Variants in RBFOX1 observed in about 807,000 individuals in gnomAD.
RBFOX1 encodes RNA binding fox-1 homolog 1.
In RBFOX1, 8 loss-of-function variants were observed where a neutral mutation model predicts 57.7. That is an observed-to-expected ratio of 0.14 (90% confidence interval 0.08 to 0.25). The LOEUF is 0.25. Among genes scored for constraint, RBFOX1 ranks in the 10% least tolerant of loss-of-function variants. The probability of loss-of-function intolerance (pLI) is 1.00; values close to 1 mark genes in which losing one functional copy is unlikely to be tolerated. For missense variants in RBFOX1, 611 were observed against 548.5 expected (o/e 1.11, Z -1.14); for synonymous variants, 326 against 222.4 (o/e 1.47, Z -4.15).
At chr16:7,204,679 C>A (rs553867929) in intron 4 of RBFOX1, among the ~76,000 whole-genome samples, 76 of 152,248 alleles carry the variant, frequency 5.0e-4, no homozygotes, top group African/African-American at 1.7e-3. Flanking sequence ...CCTCACTGTT[C>A]TAAGACATCA....
chr16:6,524,165 T>G (rs1207394650), intron 2 of RBFOX1, among the ~76,000 whole-genome samples: 9 of 152,214 alleles, frequency 5.9e-5, no homozygotes, highest in Non-Finnish European at 1.3e-4. Context: ...CAGCCTCTGG[T>G]AACCATCCCT....
upstream of RBFOX1, among the ~76,000 whole-genome samples, chr16:6,016,774 C>G (rs913756437): frequency 6.6e-6 from 1 of 152,186 alleles, no homozygotes; most frequent in Non-Finnish European, 1.5e-5. Context: ...TTCAGCACCT[C>G]TCATTTATCT....
intron 1 of RBFOX1, among the ~76,000 whole-genome samples, chr16:5,415,445 T>C (rs1460633609): frequency 1.3e-5 from 2 of 152,152 alleles, no homozygotes; most frequent in African/African-American, 4.8e-5. Context: ...GAGATTTGGG[T>C]GGAGACACAG....
intron 2 of RBFOX1, among the ~76,000 whole-genome samples, chr16:5,517,001 T>G (rs1156387911): frequency 1.3e-5 from 2 of 152,000 alleles, no homozygotes; most frequent in Admixed American, 6.6e-5. Context: ...TCTTCCTGTT[T>G]TTTTTTTTTT....
intron 1 of RBFOX1, among the ~76,000 whole-genome samples, chr16:6,121,185 A>G (rs1597489505): frequency 6.6e-6 from 1 of 152,272 alleles, no homozygotes; most frequent in Non-Finnish European, 1.5e-5. Context: ...CATGCACTGC[A>G]GGTTTATGGG....
At chr16:6,560,827 T>C (rs1237016577) in intron 2 of RBFOX1, among the ~76,000 whole-genome samples, 1 of 152,202 alleles carries the variant, frequency 6.6e-6, no homozygotes, top group South Asian at 2.1e-4. Context: ...TTGCTCTTCA[T>C]GGAATCTCCA....
intron 3 of RBFOX1, among the ~76,000 whole-genome samples, chr16:6,895,448 G>GTATATATATA (rs71147622): frequency 3.5e-4 from 19 of 54,600 alleles, no homozygotes; most frequent in African/African-American, 8.7e-4. Context: ...GTGTGTGTGT[G>GTATATATATA]TATATATATA....
chr16:7,068,048 C>G (rs9931219), intron 4 of RBFOX1, among the ~76,000 whole-genome samples: 106,715 of 150,070 alleles, frequency 0.71, 38,656 homozygotes, highest in East Asian at 0.91. Flanking sequence ...CTCTCTCGTG[C>G]CTCTTCTTCT....
Position 6,519,469 on chromosome 16 carries a change from C to T in RBFOX1, c.-63-135134C>T, listed in dbSNP as rs569214600. ...TAATCCCAGCACTTTGGGAGGCCAA[C>T]TCAGGAAGATCACCTGAGGTCAAGA... On this transcript the variant is annotated intron_variant, in intron 2 of 15. Coordinates refer to ENST00000550418, the MANE Select transcript of RBFOX1 (RefSeq NM_018723.4). 3.1e-4 allele frequency among the ~76,000 whole-genome samples: 47 copies of T among 152,158 alleles called. 1 individual carries two copies. The South Asian group carries it at 8.9e-3, about 29-fold the overall frequency.
chr16:5,755,619 A>G (rs530931900), intron 3 of RBFOX1, among the ~76,000 whole-genome samples: 68 of 152,258 alleles, frequency 4.5e-4, no homozygotes, highest in African/African-American at 1.4e-3. Context: ...TTTTCTTGAG[A>G]CAGTGTTTCA....
chr16:7,644,169 C>T (rs1159344161), intron 11 of RBFOX1, among the ~76,000 whole-genome samples: 1 of 152,142 alleles, frequency 6.6e-6, no homozygotes, highest in African/African-American at 2.4e-5. Flanking sequence ...TGGTGTCAGG[C>T]TGCCTTGGTT....
intron 3 of RBFOX1, among the ~76,000 whole-genome samples, chr16:5,619,793 T>C (rs1567307403): frequency 6.6e-6 from 1 of 152,126 alleles, no homozygotes; most frequent in Non-Finnish European, 1.5e-5. Flanking sequence ...CTCTCTTCCA[T>C]GTCCTTTCAC....
chr16:5,801,489 A>G (rs1475415024), intron 3 of RBFOX1, among the ~76,000 whole-genome samples: 3 of 152,176 alleles, frequency 2.0e-5, no homozygotes, highest in African/African-American at 7.2e-5. Context: ...CTTAGCAGTC[A>G]TCGGGCAGTT....
At chr16:6,227,588 T>C (rs1339940811) in intron 1 of RBFOX1, among the ~76,000 whole-genome samples, 1 of 150,802 alleles carries the variant, frequency 6.6e-6, no homozygotes, top group Non-Finnish European at 1.5e-5. Flanking sequence ...CCTTCTCCTT[T>C]CAGGCTTCCT....
intron 1 of RBFOX1, among the ~76,000 whole-genome samples, chr16:5,258,139 C>T (rs111482649): frequency 6.6e-6 from 1 of 152,118 alleles, no homozygotes; most frequent in South Asian, 2.1e-4. Context: ...ACCTCGGCCT[C>T]CTAAAGTGCT....
chr16:5,740,468 A>T (rs562167794), intron 3 of RBFOX1, among the ~76,000 whole-genome samples: 1 of 152,350 alleles, frequency 6.6e-6, no homozygotes, highest in South Asian at 2.1e-4. Flanking sequence ...TATCTCACTT[A>T]ACCTTGTAAA....
At position 6,196,255 on chromosome 16, in the gene RBFOX1, C is replaced by G. The variant is rs149887421; in HGVS notation, c.-126-120740C>G. Among the ~76,000 whole-genome samples the G allele has an allele frequency of 8.1e-3, 1,226 of 152,228 alleles. 16 individuals carry two copies. The highest frequency in any genetic ancestry group is 0.028 in the African/African-American group (1,154 of 41,544). ...AGTTTGAATTCAGGATTCCTAAGCT[C>G]GTGCTTTTTTTACCCCTGCACCAGA... On this transcript the variant is annotated intron_variant, in intron 1 of 15. Coordinates refer to ENST00000550418, the MANE Select transcript of RBFOX1 (RefSeq NM_018723.4).
At chr16:7,573,599 C>T (rs1212112760) in intron 5 of RBFOX1, among the ~76,000 whole-genome samples, 1 of 151,976 alleles carries the variant, frequency 6.6e-6, no homozygotes. Flanking sequence ...TTTGGGAGGC[C>T]AAGGCAGGCC....
At chr16:6,499,085 A>T (rs2095849672) in intron 2 of RBFOX1, among the ~76,000 whole-genome samples, 1 of 152,228 alleles carries the variant, frequency 6.6e-6, no homozygotes, top group South Asian at 2.1e-4. Flanking sequence ...GTGTTTATTC[A>T]GCTCCGTGGA....
Sources: allele counts gnomAD v4.1 joint callset (sites outside exome capture counted in the v4.1 genomes callset), GRCh38; gene constraint gnomAD v4.1.1; transcripts MANE v1.5; gene names NCBI Gene and HGNC (gene_info 2026-07-23, HGNC 2026-07-21).